Variants in CDC42BPA observed in about 807,000 individuals in gnomAD.
The protein encoded by CDC42BPA is CDC42 binding protein kinase alpha.
Under a neutral mutation model 223.5 loss-of-function variants are expected in CDC42BPA, and 80 were observed. That is an observed-to-expected ratio of 0.36 (90% CI 0.30 to 0.43). The LOEUF (loss-of-function observed/expected upper bound fraction) is 0.43, where lower values mean the gene tolerates loss of function less well. Among genes scored for constraint, CDC42BPA ranks in the 20% least tolerant of loss-of-function variants. The pLI is 1.00. For missense variants in CDC42BPA, 1,743 were observed against 2,099.9 expected (o/e 0.83, Z 3.32); for synonymous variants, 694 against 718.6 (o/e 0.97, Z 0.55).
At chr1:227,026,952 G>C (rs1005972770) in intron 30 of CDC42BPA, among the ~76,000 whole-genome samples, 1 of 152,024 alleles carries the variant, frequency 6.6e-6, no homozygotes, top group African/African-American at 2.4e-5. Context: ...CACTACACCT[G>C]GCTAATTAAA....
intron 21 of CDC42BPA, among the ~76,000 whole-genome samples, chr1:227,057,157 C>T (rs1270882845): frequency 6.6e-6 from 1 of 152,156 alleles, no homozygotes; most frequent in Non-Finnish European, 1.5e-5. Context: ...GTGTTTCTCA[C>T]TATTAATGAA....
In CDC42BPA at chr1:227,210,951, T is replaced by C. The variant is rs918046072; in HGVS notation, c.354+2185A>G. Among the ~76,000 whole-genome samples, 5 of 152,268 alleles carry C rather than the reference T, an allele frequency of 3.3e-5. No individual in the cohort carries two copies. The East Asian group carries it at 9.7e-4, about 29-fold the overall frequency. ...AATGTAGGACACTTCTCAAGAGCCA[T>C]TTCTGCTACAGAGCTCCCAGTGGAA... On this transcript the variant is annotated intron_variant, in intron 3 of 36. Coordinates refer to ENST00000366766, the MANE Select transcript of CDC42BPA (RefSeq NM_001394014.1).
intron 1 of CDC42BPA, among the ~76,000 whole-genome samples, chr1:227,283,035 T>A (rs1688250922): frequency 6.6e-6 from 1 of 152,212 alleles, no homozygotes; most frequent in African/African-American, 2.4e-5. Flanking sequence ...AATAACTTTT[T>A]ATAATTCATG....
intron 26 of CDC42BPA, among the ~76,000 whole-genome samples, chr1:227,034,242 C>T (rs879813642): frequency 1.3e-5 from 2 of 152,146 alleles, no homozygotes; most frequent in Non-Finnish European, 2.9e-5. Context: ...AAAAATGAGA[C>T]CAGAAGTGTT....
chr1:227,147,255 ATG>A, intron 7 of CDC42BPA, 102 bp downstream of exon 7: 1 of 732,832 alleles, frequency 1.4e-6, no homozygotes, highest in Non-Finnish European at 2.2e-6. Flanking sequence ...TAGGATAGAA[ATG>A]TGATTGTTCA....
At chr1:227,105,494 C>T (rs996434918) in intron 14 of CDC42BPA, among the ~76,000 whole-genome samples, 2 of 151,156 alleles carry the variant, frequency 1.3e-5, no homozygotes, top group Non-Finnish European at 2.9e-5. Context: ...GCTGGGACTA[C>T]AGGCATCTAC....
At chr1:227,053,351 A>G (rs1334174345) in intron 21 of CDC42BPA, among the ~76,000 whole-genome samples, 1 of 152,156 alleles carries the variant, frequency 6.6e-6, no homozygotes, top group Non-Finnish European at 1.5e-5. Flanking sequence ...TATTCTGGTA[A>G]CCACAAAGCC....
intron 2 of CDC42BPA, among the ~76,000 whole-genome samples, chr1:227,238,805 T>C (rs970239199): frequency 1.3e-5 from 2 of 152,172 alleles, no homozygotes; most frequent in Non-Finnish European, 2.9e-5. Context: ...GGAACATGTA[T>C]GCACCAATTA....
rs745310972 is a variant in CDC42BPA, at chr1:227,112,795, A to G, written c.1766T>C (p.Leu589Ser). Residue 589 changes from leucine to serine, a missense_variant, in exon 13 of 37, where the codon TTG (leucine) becomes TCG (serine). Coordinates refer to ENST00000366766, the MANE Select transcript of CDC42BPA (RefSeq NM_001394014.1). ...AGCAAGTTTCTGTTTTTGGGTGTGC[A>G]ATTCTGTTAGCCGCTCATTGATCTC... ...FMEINERLTE[L>S]HTQKQKLARH... is the part of the protein sequence containing the mutation. 5 of 1,613,900 alleles carry G rather than the reference A, an allele frequency of 3.1e-6. No individual in the cohort carries two copies. The South Asian group carries it at 5.5e-5, about 18-fold the overall frequency.
At chr1:227,195,955 C>G (rs2150173147) in intron 4 of CDC42BPA, among the ~76,000 whole-genome samples, 1 of 152,236 alleles carries the variant, frequency 6.6e-6, no homozygotes, top group South Asian at 2.1e-4. Flanking sequence ...ACAGATAATT[C>G]ACATAAGAGG....
intron 14 of CDC42BPA, among the ~76,000 whole-genome samples, chr1:227,111,285 G>A (rs1490814916): frequency 6.6e-6 from 1 of 152,016 alleles, no homozygotes; most frequent in African/African-American, 2.4e-5. Flanking sequence ...AAGATAAAAG[G>A]CAGATACCAC....
intron 3 of CDC42BPA, among the ~76,000 whole-genome samples, chr1:227,211,831 G>T (rs569102041): frequency 1.1e-3 from 163 of 152,186 alleles, no homozygotes; most frequent in Non-Finnish European, 1.7e-3. Context: ...CACTATTTGG[G>T]TGATGGGTTC....
intron 35 of CDC42BPA, among the ~76,000 whole-genome samples, chr1:227,000,350 T>C (rs2148301794): frequency 6.6e-6 from 1 of 152,272 alleles, no homozygotes; most frequent in Non-Finnish European, 1.5e-5. Flanking sequence ...TTGAACGCCA[T>C]AAAATATTTT....
intron 1 of CDC42BPA, among the ~76,000 whole-genome samples, chr1:227,276,445 G>A (rs1474083078): frequency 6.6e-6 from 1 of 151,834 alleles, no homozygotes; most frequent in Non-Finnish European, 1.5e-5. Context: ...CGTCCGGGAG[G>A]GAGGTCGGGG....
At chr1:227,244,195 C>T (rs533522850) in intron 2 of CDC42BPA, among the ~76,000 whole-genome samples, 1 of 152,254 alleles carries the variant, frequency 6.6e-6, no homozygotes, top group East Asian at 1.9e-4. Context: ...CAAATAAGTG[C>T]TCATAGCTCC....
chr1:227,312,663 G>C (rs1405782262), intron 1 of CDC42BPA, among the ~76,000 whole-genome samples: 3 of 152,044 alleles, frequency 2.0e-5, no homozygotes, highest in Admixed American at 1.3e-4. Context: ...GACCAGCCTA[G>C]GTAACACAGT....
intron 16 of CDC42BPA, among the ~76,000 whole-genome samples, chr1:227,090,322 A>G (rs1014428187): frequency 2.0e-5 from 3 of 152,220 alleles, no homozygotes; most frequent in African/African-American, 7.2e-5. Flanking sequence ...AGTGAGAAAT[A>G]CAGAGCTATA....
intron 5 of CDC42BPA, among the ~76,000 whole-genome samples, chr1:227,187,689 C>CCCCA (rs1485657420): frequency 1.8e-5 from 1 of 56,184 alleles, no homozygotes; most frequent in East Asian, 5.2e-4. Flanking sequence ...ACCCCCCCCC[C>CCCCA]AAAAAAAAAA....
At chr1:227,009,187 T>A (rs977195351) in intron 34 of CDC42BPA, among the ~76,000 whole-genome samples, 2 of 152,124 alleles carry the variant, frequency 1.3e-5, no homozygotes, top group Admixed American at 1.3e-4. Context: ...GCTGAAGTAA[T>A]AAAGGAATGA....
Sources: gnomAD v4.1 joint callset for allele counts (sites outside exome capture counted in the v4.1 genomes callset) on GRCh38, gnomAD v4.1.1 for gene constraint, MANE v1.5 for transcripts, NCBI Gene and HGNC (gene_info 2026-07-23, HGNC 2026-07-21) for gene names.